The following ARHGEF11 variants were observed in gnomAD, a reference collection of about 807,000 sequenced individuals.
ARHGEF11 encodes Rho guanine exchange factor (GEF) 11.
In ARHGEF11, 55 loss-of-function variants were observed where a neutral mutation model predicts 193.7. The observed-to-expected ratio is 0.28, with a 90% CI of 0.23 to 0.36. The LOEUF is 0.36. Ranked by LOEUF, ARHGEF11 falls within the 10% of genes least tolerant of loss-of-function variation. The pLI is 1.00. For synonymous variants in ARHGEF11, 693 were observed against 768.0 expected (o/e 0.90, Z 1.62); for missense variants, 1,723 against 2,005.6 (o/e 0.86, Z 2.69).
chr1:156,957,649 T>C (rs76956680), intron 18 of ARHGEF11, 143 bp downstream of exon 18: 3 of 859,918 alleles, frequency 3.5e-6, no homozygotes, highest in African/African-American at 1.7e-5. Context: ...GACACCTGAG[T>C]GCTAGACTTT....
At chr1:157,029,478 G>A (rs2102990029) in intron 1 of ARHGEF11, among the ~76,000 whole-genome samples, 1 of 152,202 alleles carries the variant, frequency 6.6e-6, no homozygotes, top group East Asian at 1.9e-4. Context: ...CACCATGTTG[G>A]TTAGGCTGGT....
chr1:157,009,837 G>A (rs1397367587), intron 1 of ARHGEF11, among the ~76,000 whole-genome samples: 1 of 152,120 alleles, frequency 6.6e-6, no homozygotes, highest in East Asian at 1.9e-4. Flanking sequence ...ATGTAAAAAG[G>A]CTCTCATTCT....
chr1:156,956,070 C>A (rs1571231889), intron 19 of ARHGEF11, among the ~76,000 whole-genome samples: 1 of 152,192 alleles, frequency 6.6e-6, no homozygotes, highest in African/African-American at 2.4e-5. Flanking sequence ...TACCTCAGCA[C>A]AGAGAACTGC....
rs928334359 is a variant in ARHGEF11, at chr1:156,959,098, C to T, written c.1327G>A (p.Glu443Lys). Residue 443 changes from glutamate (E) to lysine (K), a missense_variant, in exon 16 of 41, where the codon GAA becomes AAA. By Grantham distance (56) the Glu-to-Lys change is moderately conservative (BLOSUM62 1). Around this residue, in one of 5 missense-constraint regions of ARHGEF11, gnomAD observed 646 missense variants for 710.7 expected, o/e 0.91. Coordinates refer to ENST00000368194, the MANE Select transcript of ARHGEF11 (RefSeq NM_198236.3). ...NSEDARGVLC[E>K]AQEAAMPEIQ... ...TCAGGCATGGCTGCCTCTTGAGCTTCACAGAGAACACCACGGGCATCTTCG... is the reference window on the plus strand; with the variant it reads ...TCAGGCATGGCTGCCTCTTGAGCTTTACAGAGAACACCACGGGCATCTTCG... 8 of 1,614,096 alleles carry T rather than the reference C, an allele frequency of 5.0e-6. No homozygotes were observed. The highest frequency in any genetic ancestry group is 1.3e-5 in the African/African-American group (1 of 74,938).
Position 156,937,269 on chromosome 1 carries a change from G to C in ARHGEF11, c.4420C>G (p.Leu1474Val). The change falls in exon 39 of 41, where the codon CTC becomes GTC. Residue 1474 changes from leucine (L) to valine (V), a missense_variant. By Grantham distance (32) the Leu-to-Val change is conservative. Coordinates refer to ENST00000368194, the MANE Select transcript of ARHGEF11 (RefSeq NM_198236.3). ...MIFHTIEQLT[L>V]KLNRLKDMEL... ...CTCACCTTGAGCCTGTTGAGCTTGA[G>C]AGTGAGCTGCTCAATGGTATGGAAG... The C allele has an allele frequency of 6.2e-7, 1 of 1,613,946 alleles. No individual in the cohort carries two copies. Among genetic ancestry groups the C allele is most frequent in the South Asian group, 1.1e-5 (1 of 91,054 alleles).
At chr1:157,023,091 T>C (rs2102924414) in intron 1 of ARHGEF11, among the ~76,000 whole-genome samples, 1 of 152,286 alleles carries the variant, frequency 6.6e-6, no homozygotes, top group Middle Eastern at 3.4e-3. Context: ...AGGTAGGCAA[T>C]GGTTTATCAG....
At position 156,961,855 on chromosome 1, in the gene ARHGEF11, T is replaced by C. The variant is rs1236981330; in HGVS notation, c.1141-80A>G. 4 of 1,257,046 alleles carry C rather than the reference T, an allele frequency of 3.2e-6. No homozygotes were observed. In the African/African-American group the frequency reaches 5.9e-5, roughly 19 times the overall value. The allele number at this position is 1,257,046 out of a possible 1,614,324, so 77.9% of individuals were successfully genotyped here. ...GCCCCCTAGGGGACGTTTGGCCATG[T>C]CTGGAGACATTTTTAGTTGTTACAA... On this transcript the variant is annotated intron_variant, in intron 13 of 40. Coordinates refer to ENST00000368194, the MANE Select transcript of ARHGEF11 (RefSeq NM_198236.3).
chr1:156,938,346 G>A (rs2101771921), intron 38 of ARHGEF11, 72 bp downstream of exon 38: 1 of 1,413,384 alleles, frequency 7.1e-7, no homozygotes. Flanking sequence ...ATGGGCAGGG[G>A]TCCGACTCTG....
At chr1:157,044,033 G>A (rs1409637581) in intron 1 of ARHGEF11, among the ~76,000 whole-genome samples, 3 of 152,136 alleles carry the variant, frequency 2.0e-5, no homozygotes, top group Non-Finnish European at 2.9e-5. Flanking sequence ...CCTGGCAAAA[G>A]TCAAAAGCCA....
chr1:156,936,965 C>T lies in ARHGEF11; in HGVS notation c.4481G>A (p.Gly1494Glu), dbSNP rs199528886. 1 of 1,614,120 alleles carries T rather than the reference C, an allele frequency of 6.2e-7. No individual in the cohort carries two copies. Among genetic ancestry groups the T allele is most frequent in the South Asian group, 1.1e-5 (1 of 91,068 alleles). The change falls in exon 40 of 41, where the codon GGG becomes GAG. Residue 1494 changes from glycine to glutamate, a missense_variant. By Grantham distance (98) the Gly-to-Glu change is moderately conservative. Coordinates refer to ENST00000368194, the MANE Select transcript of ARHGEF11 (RefSeq NM_198236.3). ...LAHRELLKSL[G>E]GESSGGTTPV... Reference sequence around the variant, plus strand: ...CGTGGTGCCACCAGATGACTCTCCCCCAAGGGACTTGAGCAGCTCTCTGTG... The same window carrying T: ...CGTGGTGCCACCAGATGACTCTCCCTCAAGGGACTTGAGCAGCTCTCTGTG...
chr1:156,976,982 C>T lies in ARHGEF11; in HGVS notation c.582+1G>A. On this transcript the variant is annotated splice_donor_variant, in intron 7 of 40. Transcript: ENST00000368194. LOFTEE classifies it high-confidence loss of function. ...CAGTCTACCCTTGGCAGTGACCTTA[C>T]CTGTAATTCTTTTTCTTCCTGCCTC... 6.2e-7 allele frequency: 1 copy of T among 1,613,758 alleles called. No homozygotes were observed. The highest frequency in any genetic ancestry group is 8.5e-7 in the Non-Finnish European group (1 of 1,179,726).
Position 156,960,516 on chromosome 1 carries a change from G to A in ARHGEF11, c.1240-56C>T, listed in dbSNP as rs540368595. 7.0e-6 allele frequency: 11 copies of A among 1,570,092 alleles called. No homozygotes were observed. In the East Asian group the frequency reaches 2.0e-4, roughly 29 times the overall value. Reference sequence around the variant, plus strand: ...TCAGGTCTGCACACTCCAGGGAGATGAGCAGTGTGCAAGGCGAGGAGGGCT... The same window carrying A: ...TCAGGTCTGCACACTCCAGGGAGATAAGCAGTGTGCAAGGCGAGGAGGGCT... On this transcript the variant is annotated intron_variant, in intron 14 of 40. Coordinates refer to ENST00000368194, the MANE Select transcript of ARHGEF11 (RefSeq NM_198236.3).
chr1:156,979,202 TTTAG>T (rs1207956205), intron 5 of ARHGEF11, 23 bp downstream of exon 5: 1 of 1,610,338 alleles, frequency 6.2e-7, no homozygotes, highest in Admixed American at 1.7e-5. Context: ...GCTTCCCTAC[TTTAG>T]TTGTCACCTC....
intron 14 of ARHGEF11, among the ~76,000 whole-genome samples, chr1:156,960,993 T>C (rs1473919789): frequency 1.3e-5 from 2 of 152,186 alleles, no homozygotes; most frequent in East Asian, 1.9e-4. Flanking sequence ...TCAAGACCCA[T>C]TTAAGAGGGC....
At chr1:157,043,130 C>T (rs1460127300) in intron 1 of ARHGEF11, among the ~76,000 whole-genome samples, 1 of 152,168 alleles carries the variant, frequency 6.6e-6, no homozygotes, top group East Asian at 1.9e-4. Context: ...GCATTTTAGG[C>T]CACATTCCAC....
At position 157,030,762 on chromosome 1, in the gene ARHGEF11, C is replaced by T. The variant is rs546166113; in HGVS notation, c.32+13537G>A. Among the ~76,000 whole-genome samples, 6 of 152,260 alleles carry T rather than the reference C, an allele frequency of 3.9e-5. No homozygotes were observed. The South Asian group carries it at 1.2e-3, about 32-fold the overall frequency. On this transcript the variant is annotated intron_variant, in intron 1 of 40. Coordinates refer to ENST00000368194, the MANE Select transcript of ARHGEF11 (RefSeq NM_198236.3). ...AGTTACTAAAGCCTCCCTGAGCATG[C>T]TTCCCTATCTATAAAATGGGAATGA...
At chr1:156,978,820 G>T (rs979240389) in intron 5 of ARHGEF11, among the ~76,000 whole-genome samples, 2 of 152,220 alleles carry the variant, frequency 1.3e-5, no homozygotes, top group African/African-American at 4.8e-5. Context: ...GAATATTTGT[G>T]CAGACTCAAT....
chr1:156,968,057 A>G lies in ARHGEF11; in HGVS notation c.893T>C (p.Ile298Thr), dbSNP rs1323366625. Residue 298 changes from isoleucine to threonine, a missense_variant, in exon 11 of 41, where the codon ATC (isoleucine) becomes ACC (threonine). This residue lies in a region of ARHGEF11 where 646 missense variants were observed against 710.7 expected (regional missense o/e 0.91). Coordinates refer to ENST00000368194, the MANE Select transcript of ARHGEF11 (RefSeq NM_198236.3). Reference protein sequence around the residue: ...GLDSPRTSPVIMARVAQHHRR... With the variant: ...GLDSPRTSPVTMARVAQHHRR... ...GTGGTGCTGGGCCACCCTGGCCATG[A>G]TCACAGGGGAGGTTCGAGGACTGTC... The G allele has an allele frequency of 6.2e-7, 1 of 1,614,100 alleles. No homozygotes were observed. Among genetic ancestry groups the G allele is most frequent in the Non-Finnish European group, 8.5e-7 (1 of 1,180,044 alleles).
In ARHGEF11 at chr1:156,959,077, G is replaced by A; in HGVS notation, c.1348C>T (p.Pro450Ser). Residue 450 changes from proline to serine, a missense_variant, in exon 16 of 41, where the codon CCT becomes TCT. By Grantham distance (74) the Pro-to-Ser change is moderately conservative. Transcript: ENST00000368194. ...TCGTGGATCTGCTCTTGGATCTCAG[G>A]CATGGCTGCCTCTTGAGCTTCACAG... ...VLCEAQEAAMPEIQEQIHDYR... is the reference protein window; with the variant it reads ...VLCEAQEAAMSEIQEQIHDYR... 1 of 1,614,240 alleles carries A rather than the reference G, an allele frequency of 6.2e-7. No homozygotes were observed. Among genetic ancestry groups the A allele is most frequent in the Non-Finnish European group, 8.5e-7 (1 of 1,180,048 alleles).
Sources: allele counts gnomAD v4.1 joint callset (sites outside exome capture counted in the v4.1 genomes callset), GRCh38; gene constraint gnomAD v4.1.1; regional missense constraint gnomAD v4.1.1; transcripts MANE v1.5; gene names NCBI Gene and HGNC (gene_info 2026-07-23, HGNC 2026-07-21).